Variants in ZFHX3 observed in about 807,000 individuals in gnomAD.
ZFHX3 encodes the protein zinc finger homeobox 3.
In ZFHX3, 42 loss-of-function variants were observed where a neutral mutation model predicts 279.1. The observed-to-expected ratio is 0.15, with a 90% CI of 0.12 to 0.19. The LOEUF (loss-of-function observed/expected upper bound fraction) is 0.19. ZFHX3 is among the 10% of genes least tolerant of loss of function. ZFHX3 has a pLI of 1.00. For synonymous variants in ZFHX3, 2,293 were observed against 1,957.8 expected, an observed-to-expected ratio of 1.17 and a Z score of -4.52; for missense variants, 4,981 against 4,754.0, an observed-to-expected ratio of 1.05 and a Z score of -1.40.
At chr16:73,089,142 C>T (rs1035751901) in intron 8 of ZFHX3, among the ~76,000 whole-genome samples, 8 of 151,944 alleles carry the variant, frequency 5.3e-5, no homozygotes, top group Non-Finnish European at 1.0e-4. Context: ...CTTGCTCTGT[C>T]GCCCAGGCTG....
chr16:73,162,439 T>G (rs892053320), intron 5 of ZFHX3, among the ~76,000 whole-genome samples: 2 of 152,210 alleles, frequency 1.3e-5, no homozygotes, highest in Admixed American at 1.3e-4. Flanking sequence ...TACATGATGG[T>G]GAGTTGTAGA....
intron 2 of ZFHX3, among the ~76,000 whole-genome samples, chr16:73,535,854 C>T (rs1312421983): frequency 6.6e-6 from 1 of 151,698 alleles, no homozygotes; most frequent in African/African-American, 2.4e-5. Flanking sequence ...TCCTGAGCAG[C>T]TGGGACTACA....
At chr16:73,468,673 A>G (rs11645717) in intron 2 of ZFHX3, among the ~76,000 whole-genome samples, 69,225 of 152,054 alleles carry the variant, frequency 0.46, 19,618 homozygotes, top group East Asian at 0.87. Context: ...GGAGGCAGAC[A>G]TTGCAGTGAG....
intron 2 of ZFHX3, among the ~76,000 whole-genome samples, chr16:73,627,372 G>C (rs1179171247): frequency 6.6e-6 from 1 of 152,188 alleles, no homozygotes; most frequent in Non-Finnish European, 1.5e-5. Flanking sequence ...CAGATTTGCA[G>C]ATACTATTGA....
At chr16:73,757,290 C>T (rs1227957299) in intron 1 of ZFHX3, among the ~76,000 whole-genome samples, 3 of 152,164 alleles carry the variant, frequency 2.0e-5, no homozygotes, top group Admixed American at 6.5e-5. Context: ...TGTGAGTGTG[C>T]TTCCACTGCA....
At chr16:73,095,942 T>G (rs1286460152) in intron 7 of ZFHX3, among the ~76,000 whole-genome samples, 1 of 152,346 alleles carries the variant, frequency 6.6e-6, no homozygotes, top group East Asian at 1.9e-4. Context: ...GCAAACTTTC[T>G]TTGAAGTTTA....
chr16:73,659,203 G>A (rs756339474), intron 2 of ZFHX3, among the ~76,000 whole-genome samples: 10 of 152,130 alleles, frequency 6.6e-5, no homozygotes, highest in Non-Finnish European at 1.5e-4. Context: ...GGACAAAACC[G>A]AGCATCACAT....
intron 7 of ZFHX3, among the ~76,000 whole-genome samples, chr16:73,130,691 T>C (rs2144818970): frequency 6.6e-6 from 1 of 152,310 alleles, no homozygotes; most frequent in South Asian, 2.1e-4. Flanking sequence ...CACGGCAACC[T>C]CCGCTGCCCG....
chr16:73,351,584 C>T (rs537778914), intron 3 of ZFHX3, among the ~76,000 whole-genome samples: 13 of 152,210 alleles, frequency 8.5e-5, no homozygotes, highest in Non-Finnish European at 1.8e-4. Context: ...TGCACAGCTC[C>T]GTCTTAAGTG....
chr16:72,846,068 C>A (rs1342288066), intron 4 of ZFHX3, among the ~76,000 whole-genome samples: 1 of 152,320 alleles, frequency 6.6e-6, no homozygotes, highest in African/African-American at 2.4e-5. Flanking sequence ...CAGGCATTGA[C>A]AACACGGCTG....
chr16:73,103,044 C>G (rs959957800), intron 7 of ZFHX3, among the ~76,000 whole-genome samples: 1 of 152,118 alleles, frequency 6.6e-6, no homozygotes, highest in African/African-American at 2.4e-5. Flanking sequence ...CCTGCCTCAG[C>G]CTCCTGAGTA....
chr16:73,637,340 TCCTGCCTCAG>T (rs928823754), intron 2 of ZFHX3, among the ~76,000 whole-genome samples: 1 of 151,164 alleles, frequency 6.6e-6, no homozygotes, highest in African/African-American at 2.4e-5. Context: ...CAAGTGATTC[TCCTGCCTCAG>T]CCTCCTGAGT....
At chr16:72,886,201 T>A (rs895488539) in intron 4 of ZFHX3, among the ~76,000 whole-genome samples, 2 of 152,184 alleles carry the variant, frequency 1.3e-5, no homozygotes, top group Non-Finnish European at 2.9e-5. Context: ...TAATACGTAA[T>A]ACTTTGTCCC....
chr16:73,639,798 G>C, intron 2 of ZFHX3, among the ~76,000 whole-genome samples: 1 of 151,986 alleles, frequency 6.6e-6, no homozygotes, highest in East Asian at 1.9e-4. Flanking sequence ...AAACACACAA[G>C]GAAAAGGAAA....
At chr16:72,949,691 A>G (rs1960880708) in intron 3 of ZFHX3, among the ~76,000 whole-genome samples, 1 of 151,690 alleles carries the variant, frequency 6.6e-6, no homozygotes, top group South Asian at 2.1e-4. Context: ...GGAGAAGCCC[A>G]GGAAGAAGAA....
intron 6 of ZFHX3, among the ~76,000 whole-genome samples, chr16:73,137,102 CTT>C (rs1567399107): frequency 6.6e-6 from 1 of 152,034 alleles, no homozygotes; most frequent in Non-Finnish European, 1.5e-5. Flanking sequence ...AATCACTAGA[CTT>C]TGATATTTCA....
chr16:73,065,207 A>G (rs2144748537), intron 8 of ZFHX3, among the ~76,000 whole-genome samples: 1 of 152,316 alleles, frequency 6.6e-6, no homozygotes, highest in East Asian at 1.9e-4. Context: ...CTCCTGGGCC[A>G]GCGCCGGGAG....
At chr16:73,551,599 G>A (rs2020205261) in intron 2 of ZFHX3, among the ~76,000 whole-genome samples, 1 of 152,150 alleles carries the variant, frequency 6.6e-6, no homozygotes, top group South Asian at 2.1e-4. Flanking sequence ...GTTTCCTAAT[G>A]CAGTCTGGAA....
In ZFHX3 at chr16:72,958,907, G is replaced by C; in HGVS notation, c.1239C>G (p.Thr413=). The C allele has an allele frequency of 6.2e-7, 1 of 1,606,788 alleles. No individual in the cohort carries two copies. The highest frequency in any genetic ancestry group is 8.5e-7 in the Non-Finnish European group (1 of 1,176,294). The change falls in exon 2 of 10, where the codon ACC becomes ACG. Residue 413 remains threonine (T), a synonymous_variant. Coordinates refer to ENST00000268489, the MANE Select transcript of ZFHX3 (RefSeq NM_006885.4). ...LGGLTSSVLK[T]PITSVPLGPL... ...GCCCCAGGGGGACTGAGGTAATGGG[G>C]GTCTTCAGTACCGAGCTGGTGAGCC...
Sources: gnomAD v4.1 joint callset for allele counts (sites outside exome capture counted in the v4.1 genomes callset) on GRCh38, gnomAD v4.1.1 for gene constraint, MANE v1.5 for transcripts, NCBI Gene and HGNC (gene_info 2026-07-23, HGNC 2026-07-21) for gene names.